The following SLC44A5 variants were observed in gnomAD, a reference collection of about 807,000 sequenced individuals.
SLC44A5 encodes solute carrier family 44 member 5.
In SLC44A5, 57 loss-of-function variants were observed where a neutral mutation model predicts 101.8. The ratio of observed to expected loss-of-function variants is 0.56; its 90% CI spans 0.45 to 0.70. The LOEUF is 0.70. Among genes scored for constraint, SLC44A5 ranks in the 30% least tolerant of loss-of-function variants. The probability of loss-of-function intolerance (pLI) is 0.00; values close to 1 mark genes in which losing one functional copy is unlikely to be tolerated. For synonymous variants in SLC44A5, 281 were observed against 290.9 expected (o/e 0.97, Z 0.35); for missense variants, 737 against 853.1 (o/e 0.86, Z 1.70).
At chr1:75,665,391 GT>G in the SLC44A5 span, among the ~76,000 whole-genome samples, 4 of 152,068 alleles carry the variant, frequency 2.6e-5, no homozygotes, top group Non-Finnish European at 5.9e-5. Context: ...TACGTTAACT[GT>G]CCAGCCATAT....
the SLC44A5 span, among the ~76,000 whole-genome samples, chr1:75,696,730 C>A: frequency 2.1e-5 from 3 of 143,568 alleles, no homozygotes; most frequent in African/African-American, 7.3e-5. Context: ...CCCGTCTCTA[C>A]TAAAAATTGA....
At chr1:75,338,289 A>G (rs1657600880) in intron 4 of SLC44A5, among the ~76,000 whole-genome samples, 2 of 152,186 alleles carry the variant, frequency 1.3e-5, no homozygotes, top group African/African-American at 4.8e-5. Flanking sequence ...TTCCGTCATT[A>G]AATTCTACAT....
the SLC44A5 span, among the ~76,000 whole-genome samples, chr1:75,649,776 G>C: frequency 6.6e-6 from 1 of 152,094 alleles, no homozygotes; most frequent in Non-Finnish European, 1.5e-5. Context: ...CTATGCCTGA[G>C]AAATCCCACA....
chr1:75,608,242 A>C (rs1675441681), intron 1 of SLC44A5, among the ~76,000 whole-genome samples: 1 of 152,030 alleles, frequency 6.6e-6, no homozygotes, highest in Admixed American at 6.6e-5. Flanking sequence ...TAGGCAAAGG[A>C]ACTGAAAATA....
upstream of SLC44A5, among the ~76,000 whole-genome samples, chr1:75,615,678 G>A (rs1675847291): frequency 2.6e-5 from 4 of 152,148 alleles, no homozygotes; most frequent in South Asian, 8.3e-4. Context: ...GTCCCCGGAG[G>A]CCAGGGGAGG....
intron 2 of SLC44A5, among the ~76,000 whole-genome samples, chr1:75,443,593 A>G (rs967751067): frequency 5.9e-5 from 9 of 151,978 alleles, no homozygotes; most frequent in Non-Finnish European, 1.2e-4. Context: ...CAAAATCCAT[A>G]TTTTTTTAAA....
chr1:75,535,364 GA>G (rs1470058422), intron 2 of SLC44A5, among the ~76,000 whole-genome samples: 1 of 152,120 alleles, frequency 6.6e-6, no homozygotes, highest in Non-Finnish European at 1.5e-5. Flanking sequence ...GAGAAATGCT[GA>G]ATCCGCAGCT....
chr1:75,444,221 G>T (rs959585626), intron 2 of SLC44A5, among the ~76,000 whole-genome samples: 4 of 151,632 alleles, frequency 2.6e-5, no homozygotes, highest in African/African-American at 7.3e-5. Flanking sequence ...AGAGGCTGAG[G>T]CAGGAGAATC....
chr1:75,653,096 C>G, the SLC44A5 span, among the ~76,000 whole-genome samples: 1 of 152,176 alleles, frequency 6.6e-6, no homozygotes, highest in Admixed American at 6.5e-5. Context: ...CAAACCATGA[C>G]AGCTTGTTAA....
intron 4 of SLC44A5, among the ~76,000 whole-genome samples, chr1:75,307,397 A>G (rs1654993405): frequency 6.6e-6 from 1 of 152,178 alleles, no homozygotes; most frequent in South Asian, 2.1e-4. Context: ...CCCAGGAAGC[A>G]GAATGAATGC....
At chr1:75,659,607 T>C in the SLC44A5 span, among the ~76,000 whole-genome samples, 1 of 119,228 alleles carries the variant, frequency 8.4e-6, no homozygotes, top group African/African-American at 3.5e-5. Context: ...CTTGGCAACA[T>C]TGCAAGACCC....
At chr1:75,547,244 C>T (rs1671700133) in intron 1 of SLC44A5, among the ~76,000 whole-genome samples, 2 of 152,112 alleles carry the variant, frequency 1.3e-5, no homozygotes, top group South Asian at 4.1e-4. Context: ...GGATTAACAG[C>T]ACAAACAATA....
chr1:75,521,407 T>C (rs1670117164), intron 2 of SLC44A5, among the ~76,000 whole-genome samples: 1 of 152,206 alleles, frequency 6.6e-6, no homozygotes, highest in East Asian at 1.9e-4. Flanking sequence ...AATCACAACT[T>C]CTTCAGGTTT....
intron 2 of SLC44A5, among the ~76,000 whole-genome samples, chr1:75,512,833 A>G (rs1669639026): frequency 6.6e-6 from 1 of 152,162 alleles, no homozygotes; most frequent in Admixed American, 6.5e-5. Context: ...CATATCCCAT[A>G]TTTACATTTC....
At chr1:75,394,691 G>A (rs1249815) in intron 3 of SLC44A5, among the ~76,000 whole-genome samples, 95,143 of 151,964 alleles carry the variant, frequency 0.63, 31,283 homozygotes, top group East Asian at 0.96. Flanking sequence ...TAACACTCCA[G>A]TTCTCCCAAG....
chr1:75,207,092 G>C (rs1018124779), intron 23 of SLC44A5, among the ~76,000 whole-genome samples: 22 of 152,266 alleles, frequency 1.4e-4, no homozygotes, highest in Non-Finnish European at 2.9e-5. Flanking sequence ...TATTAATTCT[G>C]TGATAAATGT....
At chr1:75,393,365 T>C (rs1043817710) in intron 3 of SLC44A5, among the ~76,000 whole-genome samples, 24 of 152,178 alleles carry the variant, frequency 1.6e-4, no homozygotes, top group African/African-American at 5.3e-4. Context: ...CATACACATA[T>C]GCCCATACAT....
At chr1:75,434,943 C>A (rs1379315158) in intron 2 of SLC44A5, among the ~76,000 whole-genome samples, 1 of 152,104 alleles carries the variant, frequency 6.6e-6, no homozygotes. Context: ...CTGTGCTATG[C>A]CCCATATTAC....
intron 3 of SLC44A5, among the ~76,000 whole-genome samples, chr1:75,373,475 G>A (rs934377871): frequency 2.0e-5 from 3 of 152,186 alleles, no homozygotes; most frequent in African/African-American, 7.2e-5. Flanking sequence ...ACCAGACAGA[G>A]GCAGAGATTG....
Sources: gnomAD v4.1 joint callset for allele counts (sites outside exome capture counted in the v4.1 genomes callset) on GRCh38, gnomAD v4.1.1 for gene constraint, MANE v1.5 for transcripts, NCBI Gene and HGNC (gene_info 2026-07-23, HGNC 2026-07-21) for gene names.